Variants in MACF1 observed in about 807,000 individuals in gnomAD.
MACF1 encodes microtubule actin crosslinking factor 1.
MACF1 carries 193 observed loss-of-function variants against 854.8 expected under a neutral mutation model. That is an observed-to-expected ratio of 0.23 (90% CI 0.20 to 0.25). MACF1 has a LOEUF of 0.25. MACF1 is among the 10% of genes least tolerant of loss of function. MACF1 has a pLI of 1.00. For synonymous variants in MACF1, 3,185 were observed against 3,226.7 expected (o/e 0.99, Z 0.44); for missense variants, 7,722 against 8,929.1 (o/e 0.86, Z 5.45).
chr1:39,317,361 C>T lies in MACF1; in HGVS notation c.3736C>T (p.Gln1246Ter). ...DLERYQEKGS[Q>*]LQERWHRVIA... ...GGAGCGCTATCAGGAAAAAGGCTCC[C>T]AGCTGCAGGAGCGTTGGCACCGAGT... Residue 1246 changes from glutamine (Q) to a stop codon, truncating the protein, a stop_gained, in exon 29 of 101, where the codon CAG (glutamine) becomes TAG (stop). Transcript: ENST00000564288. LOFTEE classifies it high-confidence loss of function. The T allele has an allele frequency of 6.2e-7, 1 of 1,613,544 alleles. No individual in the cohort carries two copies. The highest frequency in any genetic ancestry group is 8.5e-7 in the Non-Finnish European group (1 of 1,179,932).
chr1:39,295,977 A>AACC, intron 20 of MACF1, 95 bp downstream of exon 20: 1 of 1,043,928 alleles, frequency 9.6e-7, no homozygotes, highest in South Asian at 1.6e-5. Context: ...TTGTTGTATA[A>AACC]ACCACCACCT....
chr1:39,484,788 T>C (rs2124266182), intron 100 of MACF1, 58 bp downstream of exon 100: 3 of 1,605,830 alleles, frequency 1.9e-6, no homozygotes, highest in Non-Finnish European at 2.6e-6. Context: ...CAACAGCCTA[T>C]GTGGAATGTT....
In MACF1 at chr1:39,394,239, TTTGATTGA is replaced by T. The variant is rs57627120; in HGVS notation, c.15816+5612_15816+5619del. On this transcript the variant is annotated intron_variant, in intron 58 of 100. Coordinates refer to ENST00000564288, the MANE Select transcript of MACF1 (RefSeq NM_001394062.1). ...TAAGAAAGTCTTGTAAACGCCTTCA[TTTGATTGA>T]TTGATTGATTGATTGATTGATTGAT... 5.4e-3 allele frequency among the ~76,000 whole-genome samples: 813 copies of T among 149,684 alleles called. 5 individuals are homozygous for T. The highest frequency in any genetic ancestry group is 7.8e-3 in the Non-Finnish European group (529 of 67,814).
chr1:39,287,417 C>A lies in MACF1; in HGVS notation c.1640C>A (p.Pro547His), dbSNP rs540803654. Reference protein sequence around the residue: ...TLTTTHLKAEPLTKATHSSST... With the variant: ...TLTTTHLKAEHLTKATHSSST... ...ACCACCACTCATCTGAAAGCAGAAC[C>A]CTTAACCAAGGCAACCCATTCTTCT... Residue 547 changes from proline to histidine, a missense_variant, in exon 15 of 101, where the codon CCC becomes CAC. This residue lies in a region of MACF1 where 1,137 missense variants were observed against 1,263.0 expected (regional missense o/e 0.90). Coordinates refer to ENST00000564288, the MANE Select transcript of MACF1 (RefSeq NM_001394062.1). 1.7e-5 allele frequency: 27 copies of A among 1,614,140 alleles called. 1 individual carries two copies. In the South Asian group the frequency reaches 2.7e-4, roughly 16 times the overall value.
intron 49 of MACF1, among the ~76,000 whole-genome samples, chr1:39,367,787 A>AT (rs1196364266): frequency 6.6e-6 from 1 of 151,786 alleles, no homozygotes; most frequent in African/African-American, 2.4e-5. Context: ...TATTTATCAG[A>AT]TTTTTTAATT....
chr1:39,179,891 T>A (rs1644082438), intron 2 of MACF1, among the ~76,000 whole-genome samples: 1 of 151,976 alleles, frequency 6.6e-6, no homozygotes, highest in Non-Finnish European at 1.5e-5. Flanking sequence ...GGCACACACT[T>A]GTAATCCCAG....
rs542627695 is a variant in MACF1 at position 39,276,712 on chromosome 1, G to A, written c.529-5496G>A. ...TTGGATATTACTATAATTATTGGTC[G>A]TTTTTGGCTATAAATTTGTTTAACT... On this transcript the variant is annotated intron_variant, in intron 6 of 100. Coordinates refer to ENST00000564288, the MANE Select transcript of MACF1 (RefSeq NM_001394062.1). Among the ~76,000 whole-genome samples, 78 of 152,174 alleles carry A rather than the reference G, an allele frequency of 5.1e-4. No homozygotes were observed. In the South Asian group the frequency reaches 0.014, roughly 27 times the overall value.
chr1:39,324,272 A>C lies in MACF1; in HGVS notation c.4316A>C (p.Asn1439Thr). ...GGCTGGGTGTCTACCCTAGCGAGGA[A>C]TACACAAGGAAAAGCTACCTCATCC... The part of the protein sequence containing the change: ...LLGWVSTLAR[N>T]TQGKATSSET... Residue 1439 changes from asparagine (N) to threonine (T), a missense_variant, in exon 34 of 101, where the codon AAT (asparagine) becomes ACT (threonine). Coordinates refer to ENST00000564288, the MANE Select transcript of MACF1 (RefSeq NM_001394062.1). 6.2e-7 allele frequency: 1 copy of C among 1,614,036 alleles called. No individual in the cohort carries two copies. Among genetic ancestry groups the C allele is most frequent in the East Asian group, 2.2e-5 (1 of 44,858 alleles).
intron 40 of MACF1, among the ~76,000 whole-genome samples, chr1:39,342,220 G>A (rs1646949936): frequency 1.3e-5 from 2 of 152,022 alleles, no homozygotes; most frequent in African/African-American, 2.4e-5. Flanking sequence ...TGCTTTAAAG[G>A]ATATGATCTC....
chr1:39,277,521 C>T (rs527840834), intron 6 of MACF1, among the ~76,000 whole-genome samples: 1 of 152,268 alleles, frequency 6.6e-6, no homozygotes, highest in South Asian at 2.1e-4. Flanking sequence ...TCCTGTTTTA[C>T]CTTCATACAT....
At position 39,429,955 on chromosome 1, in the gene MACF1, T is replaced by C. The variant is rs568489666; in HGVS notation, c.17017T>C (p.Ser5673Pro). The change falls in exon 65 of 101, where the codon TCT becomes CCT. Residue 5673 changes from serine to proline, a missense_variant. Physicochemically the swap from Ser to Pro is moderately conservative, Grantham distance 74. Coordinates refer to ENST00000564288, the MANE Select transcript of MACF1 (RefSeq NM_001394062.1). ...CCGGCAGCTGGCCACCAAGTTCCAGTCTACTTATGAGGAACTGACCGGGTG... is the reference window on the plus strand; with the variant it reads ...CCGGCAGCTGGCCACCAAGTTCCAGCCTACTTATGAGGAACTGACCGGGTG... Reference protein sequence around the residue: ...QARQLATKFQSTYEELTGWLR... With the variant: ...QARQLATKFQPTYEELTGWLR... The C allele has an allele frequency of 1.5e-5, 24 of 1,614,006 alleles. No individual in the cohort carries two copies. Among genetic ancestry groups the C allele is most frequent in the African/African-American group, 1.1e-4 (8 of 75,034 alleles).
At chr1:39,096,548 C>T (rs1641941393) in intron 2 of MACF1, among the ~76,000 whole-genome samples, 1 of 150,722 alleles carries the variant, frequency 6.6e-6, no homozygotes, top group Non-Finnish European at 1.5e-5. Context: ...GAGACTGCGC[C>T]ACTGCACTCC....
At chr1:39,358,628 T>G in intron 45 of MACF1, 69 bp from the exon 46 acceptor site, 1 of 1,487,914 alleles carries the variant, frequency 6.7e-7, no homozygotes, top group South Asian at 1.2e-5. Flanking sequence ...CCAGGCCTCT[T>G]TCTTTGGGCA....
Position 39,283,020 on chromosome 1 carries a change from C to T in MACF1, c.696-169C>T. On this transcript the variant is annotated intron_variant, in intron 7 of 100. Transcript: ENST00000564288. This position sits in a 1 kb window ranked among gnomAD's most constrained non-coding sequence, Gnocchi z 4.5. ...AGTTTAGCATTAGGGAGCACTGGGC[C>T]CCTGGTGTATACTTAAAAATGGAAT... The T allele has an allele frequency of 3.5e-6, 2 of 571,678 alleles. No homozygotes were observed. The highest frequency in any genetic ancestry group is 5.7e-5 in the East Asian group (2 of 34,950). The allele number at this position is 571,678 out of a possible 1,614,324, so 35.4% of individuals were successfully genotyped here.
At chr1:39,225,210 C>CTTTTTTT (rs1553171310) in intron 1 of MACF1, among the ~76,000 whole-genome samples, 2 of 17,616 alleles carry the variant, frequency 1.1e-4, no homozygotes, top group South Asian at 1.6e-3. Flanking sequence ...GCAAATTTTT[C>CTTTTTTT]TTTTTTCTTT....
chr1:39,160,410 A>G (rs544420817), intron 2 of MACF1, among the ~76,000 whole-genome samples: 14 of 152,332 alleles, frequency 9.2e-5, no homozygotes, highest in Non-Finnish European at 8.8e-5. Flanking sequence ...GAGCTGTAGT[A>G]TGGGGCTTTA....
At chr1:39,123,708 T>G (rs1642780467) in intron 2 of MACF1, among the ~76,000 whole-genome samples, 1 of 118,712 alleles carries the variant, frequency 8.4e-6, no homozygotes, top group Non-Finnish European at 1.8e-5. Context: ...CCCGGCTAAT[T>G]CTTGTTTTGT....
intron 58 of MACF1, among the ~76,000 whole-genome samples, chr1:39,391,349 G>T (rs900255436): frequency 1.9e-4 from 29 of 152,222 alleles, no homozygotes; most frequent in African/African-American, 7.0e-4. Flanking sequence ...TGTGCACTTT[G>T]ATTTCTATAT....
At chr1:39,471,847 G>C (rs1303078759) in intron 97 of MACF1, among the ~76,000 whole-genome samples, 1 of 151,814 alleles carries the variant, frequency 6.6e-6, no homozygotes, top group African/African-American at 2.4e-5. Context: ...TTGTTATACA[G>C]ATAAAATTTA....
Sources: gnomAD v4.1 joint callset for allele counts (sites outside exome capture counted in the v4.1 genomes callset) on GRCh38, gnomAD v4.1.1 for gene constraint, gnomAD v4.1.1 regional missense constraint, Gnocchi (gnomAD v3.1) non-coding constraint, MANE v1.5 for transcripts, NCBI Gene and HGNC (gene_info 2026-07-23, HGNC 2026-07-21) for gene names.